NRXN3: variants seen among roughly 807,000 people sequenced by gnomAD.
NRXN3 encodes neurexin III.
NRXN3 carries 32 observed loss-of-function variants against 137.6 expected under a neutral mutation model. The ratio of observed to expected loss-of-function variants is 0.23; its 90% confidence interval spans 0.18 to 0.31. The LOEUF is 0.31. Ranked by LOEUF, NRXN3 falls within the 10% of genes least tolerant of loss-of-function variation. The pLI is 1.00. For synonymous variants in NRXN3, 798 were observed against 784.5 expected (o/e 1.02, Z -0.29); for missense variants, 1,574 against 2,062.5 (o/e 0.76, Z 4.59).
At chr14:78,729,745 C>T (rs2098505687) in intron 8 of NRXN3, among the ~76,000 whole-genome samples, 1 of 152,142 alleles carries the variant, frequency 6.6e-6, no homozygotes, top group African/African-American at 2.4e-5. Context: ...GACACAAATT[C>T]TTCGGCCATA....
At chr14:78,451,580 C>T (rs1384173221) in intron 4 of NRXN3, among the ~76,000 whole-genome samples, 2 of 152,178 alleles carry the variant, frequency 1.3e-5, no homozygotes, top group Non-Finnish European at 2.9e-5. Flanking sequence ...TTTCTATACT[C>T]CCTTCCCGTA....
At chr14:79,767,861 C>G (rs904096335) in intron 19 of NRXN3, among the ~76,000 whole-genome samples, 34 of 152,226 alleles carry the variant, frequency 2.2e-4, no homozygotes, top group African/African-American at 7.2e-4. Context: ...TCTGAGGTAC[C>G]GAGTTCATCT....
chr14:79,413,531 C>T (rs1160136381), intron 15 of NRXN3, among the ~76,000 whole-genome samples: 1 of 151,916 alleles, frequency 6.6e-6, no homozygotes, highest in Non-Finnish European at 1.5e-5. Context: ...ACTTCTGGAC[C>T]CAGAGCCCCC....
chr14:78,784,702 G>A (rs866097412), intron 8 of NRXN3, among the ~76,000 whole-genome samples: 4 of 152,192 alleles, frequency 2.6e-5, no homozygotes, highest in Admixed American at 2.6e-4. Context: ...ATGAATGTAG[G>A]GGGGATCATT....
chr14:79,444,307 C>T (rs999965638), intron 15 of NRXN3, among the ~76,000 whole-genome samples: 2 of 152,072 alleles, frequency 1.3e-5, no homozygotes, highest in African/African-American at 4.8e-5. Flanking sequence ...ATGTAATGTC[C>T]CTCCCTTCTC....
intron 19 of NRXN3, among the ~76,000 whole-genome samples, chr14:79,770,104 G>A (rs1375907013): frequency 6.6e-6 from 1 of 151,486 alleles, no homozygotes; most frequent in Non-Finnish European, 1.5e-5. Context: ...CCCAATACAG[G>A]AGCACCCAGA....
At chr14:79,549,634 C>G (rs949223962) in intron 16 of NRXN3, among the ~76,000 whole-genome samples, 5 of 152,070 alleles carry the variant, frequency 3.3e-5, no homozygotes, top group Admixed American at 1.3e-4. Context: ...GCAGCCTAGC[C>G]TTGGTATTGA....
chr14:79,500,728 G>C (rs2153671954), intron 16 of NRXN3, among the ~76,000 whole-genome samples: 2 of 152,256 alleles, frequency 1.3e-5, no homozygotes, highest in South Asian at 4.1e-4. Flanking sequence ...TGCCTCCTCT[G>C]TGGGTTGCAG....
chr14:78,603,434 C>A (rs144473071), intron 4 of NRXN3, among the ~76,000 whole-genome samples: 31 of 152,232 alleles, frequency 2.0e-4, no homozygotes, highest in Non-Finnish European at 4.3e-4. Flanking sequence ...TCCCTTTGAC[C>A]GTGCCACTTG....
chr14:78,637,707 G>GT (rs1227140184), intron 4 of NRXN3, among the ~76,000 whole-genome samples: 1 of 152,230 alleles, frequency 6.6e-6, no homozygotes, highest in African/African-American at 2.4e-5. Context: ...AGTTCATAAT[G>GT]TAAGTCCACT....
chr14:78,528,449 G>A (rs2096412228), intron 4 of NRXN3, among the ~76,000 whole-genome samples: 1 of 152,182 alleles, frequency 6.6e-6, no homozygotes, highest in African/African-American at 2.4e-5. Flanking sequence ...GGGATGTAGT[G>A]CGGGATGGTT....
chr14:79,798,923 C>T (rs2099168717), intron 19 of NRXN3, among the ~76,000 whole-genome samples: 1 of 152,064 alleles, frequency 6.6e-6, no homozygotes, highest in Admixed American at 6.6e-5. Context: ...ATTATAGAAG[C>T]AATAACTCAC....
At chr14:78,557,242 A>T (rs2096747635) in intron 4 of NRXN3, among the ~76,000 whole-genome samples, 1 of 145,138 alleles carries the variant, frequency 6.9e-6, no homozygotes, top group South Asian at 2.2e-4. Flanking sequence ...TTTTGTAGAG[A>T]TGCAGTCTCC....
At chr14:79,737,070 G>T (rs1457584468) in intron 19 of NRXN3, among the ~76,000 whole-genome samples, 1 of 152,192 alleles carries the variant, frequency 6.6e-6, no homozygotes, top group Non-Finnish European at 1.5e-5. Context: ...GCAATTTTTT[G>T]TGTGTTATTT....
intron 4 of NRXN3, among the ~76,000 whole-genome samples, chr14:78,595,497 C>A (rs1218649282): frequency 1.3e-5 from 2 of 151,854 alleles, no homozygotes; most frequent in Non-Finnish European, 2.9e-5. Context: ...TGGGGGGTGG[C>A]AGATGCAAAC....
At chr14:79,108,049 G>A (rs1401248147) in intron 15 of NRXN3, among the ~76,000 whole-genome samples, 1 of 152,090 alleles carries the variant, frequency 6.6e-6, no homozygotes, top group Non-Finnish European at 1.5e-5. Context: ...ATATGTGAAG[G>A]TAGAATTTGT....
chr14:79,405,471 G>A (rs1305353088), intron 15 of NRXN3, among the ~76,000 whole-genome samples: 4 of 152,102 alleles, frequency 2.6e-5, no homozygotes, highest in Admixed American at 2.6e-4. Flanking sequence ...TCAGATACTA[G>A]TCTCTGATCC....
intron 4 of NRXN3, among the ~76,000 whole-genome samples, chr14:78,552,950 T>C (rs570393267): frequency 2.0e-5 from 3 of 152,194 alleles, no homozygotes; most frequent in Middle Eastern, 3.2e-3. Flanking sequence ...TATATCAATG[T>C]ATTAAATTAT....
At chr14:79,712,406 T>A (rs918080323) in intron 19 of NRXN3, among the ~76,000 whole-genome samples, 5 of 152,240 alleles carry the variant, frequency 3.3e-5, no homozygotes, top group African/African-American at 1.2e-4. Flanking sequence ...GAGTTTGTTA[T>A]TATGACTTTG....
Sources: gnomAD v4.1 joint callset for allele counts (sites outside exome capture counted in the v4.1 genomes callset) on GRCh38, gnomAD v4.1.1 for gene constraint, MANE v1.5 for transcripts, NCBI Gene and HGNC (gene_info 2026-07-23, HGNC 2026-07-21) for gene names.